LUZP2: variants seen among roughly 807,000 people sequenced by gnomAD.
LUZP2 encodes leucine zipper protein 2.
In LUZP2, 52 loss-of-function variants were observed where a neutral mutation model predicts 51.6. That is an observed-to-expected ratio of 1.01 (90% confidence interval 0.81 to 1.27). The LOEUF is 1.27. Ranked by LOEUF, LUZP2 falls within the 50% of genes most tolerant of loss-of-function variation. The probability of loss-of-function intolerance (pLI) is 0.00; values close to 1 mark genes in which losing one functional copy is unlikely to be tolerated. For missense variants in LUZP2, 436 were observed against 395.4 expected (o/e 1.10, Z -0.87); for synonymous variants, 154 against 137.3 (o/e 1.12, Z -0.85).
intron 1 of LUZP2, among the ~76,000 whole-genome samples, chr11:24,535,276 C>A (rs1288743046): frequency 6.6e-6 from 1 of 151,436 alleles, no homozygotes; most frequent in Non-Finnish European, 1.5e-5. Context: ...GTAGCTGTGG[C>A]AATTTCTTAA....
intron 1 of LUZP2, among the ~76,000 whole-genome samples, chr11:24,520,305 A>G (rs1215419610): frequency 6.6e-6 from 1 of 152,234 alleles, no homozygotes; most frequent in East Asian, 1.9e-4. Flanking sequence ...ATATTTGGAA[A>G]TGGAACTGTT....
At chr11:24,511,435 T>C (rs1590119562) in intron 1 of LUZP2, among the ~76,000 whole-genome samples, 1 of 151,792 alleles carries the variant, frequency 6.6e-6, no homozygotes, top group East Asian at 2.0e-4. Flanking sequence ...AATGGCAAGA[T>C]TTTGGATTAG....
chr11:24,503,627 C>T (rs1261235389), intron 1 of LUZP2, among the ~76,000 whole-genome samples: 1 of 152,080 alleles, frequency 6.6e-6, no homozygotes, highest in African/African-American at 2.4e-5. Context: ...ATATTGTGAA[C>T]ACAAGAATGT....
At chr11:25,059,683 G>A (rs928767411) in intron 10 of LUZP2, among the ~76,000 whole-genome samples, 4 of 152,138 alleles carry the variant, frequency 2.6e-5, no homozygotes, top group African/African-American at 9.7e-5. Context: ...CAGGATGAAT[G>A]CTTGATTACT....
Position 24,611,807 on chromosome 11 carries a change from A to C in LUZP2, c.62+114502A>C, listed in dbSNP as rs77505242. Among the ~76,000 whole-genome samples, 2,484 of 152,292 alleles carry C rather than the reference A, an allele frequency of 0.016. 71 individuals are homozygous for C. Among genetic ancestry groups the C allele is most frequent in the African/African-American group, 0.057 (2,372 of 41,570 alleles). On this transcript the variant is annotated intron_variant, in intron 1 of 11. Coordinates refer to ENST00000336930, the MANE Select transcript of LUZP2 (RefSeq NM_001009909.4). This position sits in a 1 kb window ranked among gnomAD's most constrained non-coding sequence, Gnocchi z 4.6. ...AATAAGAAAAGGGATACAAAGAGAC[A>C]TAACCGTAATTTATATAAACTGACT...
At chr11:24,662,469 C>T (rs1654617776) in intron 1 of LUZP2, among the ~76,000 whole-genome samples, 2 of 151,974 alleles carry the variant, frequency 1.3e-5, no homozygotes, top group South Asian at 4.1e-4. Context: ...TAATATCTCT[C>T]CCATTAATTA....
At chr11:24,704,560 A>T (rs1264492027) in intron 1 of LUZP2, among the ~76,000 whole-genome samples, 1 of 151,832 alleles carries the variant, frequency 6.6e-6, no homozygotes, top group East Asian at 1.9e-4. Flanking sequence ...AGAATATGTC[A>T]GTGAGTGGAA....
intron 1 of LUZP2, among the ~76,000 whole-genome samples, chr11:24,602,084 G>A (rs62638061): frequency 0.053 from 4,230 of 80,464 alleles, 172 homozygotes; most frequent in Middle Eastern, 0.075. Flanking sequence ...GTATATATGT[G>A]TATATATGTA....
chr11:24,601,896 G>GTATATATATATATATGTA (rs1247111161), intron 1 of LUZP2, among the ~76,000 whole-genome samples: 1 of 40,230 alleles, frequency 2.5e-5, no homozygotes, highest in East Asian at 5.2e-4. Context: ...ATGTATATAT[G>GTATATATATATATATGTA]TATATATGTA....
Position 24,897,901 on chromosome 11 carries a change from C to T in LUZP2, c.397-8090C>T, listed in dbSNP as rs75816201. Among the ~76,000 whole-genome samples, 1,169 of 152,126 alleles carry T rather than the reference C, an allele frequency of 7.7e-3. 16 individuals carry two copies. The highest frequency in any genetic ancestry group is 0.056 in the East Asian group (287 of 5,168). The stretch of plus-strand genomic sequence containing the variant: ...CCTCTTCCTTTTGCCTTGCCTTTAA[C>T]ATGGATTCCTACGCTTTCTGGAAGA... On this transcript the variant is annotated intron_variant, in intron 5 of 11. Transcript: ENST00000336930.
intron 1 of LUZP2, among the ~76,000 whole-genome samples, chr11:24,523,672 A>C (rs1185800248): frequency 6.6e-6 from 1 of 151,598 alleles, no homozygotes; most frequent in African/African-American, 2.4e-5. Context: ...TAAATGAGCC[A>C]TAGGAGATAA....
At chr11:24,656,666 C>G (rs538739559) in intron 1 of LUZP2, among the ~76,000 whole-genome samples, 1 of 152,116 alleles carries the variant, frequency 6.6e-6, no homozygotes, top group Non-Finnish European at 1.5e-5. Context: ...GTCCTTGTTT[C>G]CTTGATGGAA....
At chr11:24,836,479 A>T (rs1030230251) in intron 5 of LUZP2, among the ~76,000 whole-genome samples, 1 of 151,918 alleles carries the variant, frequency 6.6e-6, no homozygotes, top group Non-Finnish European at 1.5e-5. Context: ...TCAATTCAGC[A>T]TATGAATATT....
intron 1 of LUZP2, among the ~76,000 whole-genome samples, chr11:24,570,808 T>C (rs1852412123): frequency 6.6e-6 from 1 of 152,036 alleles, no homozygotes; most frequent in African/African-American, 2.4e-5. Context: ...CACCTACTTT[T>C]CATATATAAA....
At chr11:24,819,574 T>C (rs1260661295) in intron 5 of LUZP2, among the ~76,000 whole-genome samples, 3 of 152,094 alleles carry the variant, frequency 2.0e-5, no homozygotes, top group Non-Finnish European at 2.9e-5. Flanking sequence ...TTGAAATATA[T>C]TTTTTACTGC....
chr11:24,589,719 C>T (rs929372061), intron 1 of LUZP2, among the ~76,000 whole-genome samples: 1 of 152,068 alleles, frequency 6.6e-6, no homozygotes, highest in African/African-American at 2.4e-5. Context: ...GAAGTCAGGC[C>T]ACTGCTTGAA....
intron 1 of LUZP2, among the ~76,000 whole-genome samples, chr11:24,577,295 C>A (rs577043109): frequency 9.2e-5 from 14 of 151,884 alleles, no homozygotes; most frequent in African/African-American, 2.4e-4. Context: ...CTGTAGTATA[C>A]CTTATTTAAA....
intron 1 of LUZP2, among the ~76,000 whole-genome samples, chr11:24,575,651 C>T (rs993675317): frequency 2.0e-5 from 3 of 152,094 alleles, no homozygotes; most frequent in African/African-American, 7.2e-5. Flanking sequence ...TTCAATGAAG[C>T]ACATTCTGTT....
chr11:24,993,805 C>T (rs1479316370), intron 9 of LUZP2, among the ~76,000 whole-genome samples: 1 of 151,432 alleles, frequency 6.6e-6, no homozygotes, highest in African/African-American at 2.4e-5. Context: ...ATTTGCAGCA[C>T]AGAAGACACA....
Sources: allele counts gnomAD v4.1 joint callset (sites outside exome capture counted in the v4.1 genomes callset), GRCh38; gene constraint gnomAD v4.1.1; non-coding constraint Gnocchi (gnomAD v3.1); transcripts MANE v1.5; gene names NCBI Gene and HGNC (gene_info 2026-07-23, HGNC 2026-07-21).